Variants in ARSB observed in about 807,000 individuals in gnomAD.
ARSB encodes arylsulfatase B.
ARSB carries 41 observed loss-of-function variants against 50.9 expected under a neutral mutation model. That is an observed-to-expected ratio of 0.81 (90% CI 0.63 to 1.04). The LOEUF (loss-of-function observed/expected upper bound fraction) is 1.04. Ranked by LOEUF, ARSB falls within the 50% of genes least tolerant of loss-of-function variation. ARSB has a pLI of 0.00. For missense variants in ARSB, 672 were observed against 693.3 expected (o/e 0.97, Z 0.35); for synonymous variants, 269 against 284.8 (o/e 0.94, Z 0.56).
intron 5 of ARSB, among the ~76,000 whole-genome samples, chr5:78,841,165 C>CTAATAATAATAATAATAATAATAATAA (rs760097028): frequency 4.4e-3 from 431 of 98,216 alleles, no homozygotes; most frequent in Middle Eastern, 0.012. Flanking sequence ...ACTACTACTA[C>CTAATAATAATAATAATAATAATAATAA]TACTAATAAT....
intron 5 of ARSB, among the ~76,000 whole-genome samples, chr5:78,862,832 G>A (rs1044418677): frequency 7.9e-5 from 12 of 152,112 alleles, no homozygotes; most frequent in African/African-American, 1.2e-4. Context: ...TACAGAATGG[G>A]AGAAAATTTT....
chr5:78,797,867 G>C (rs1307047097), intron 6 of ARSB, among the ~76,000 whole-genome samples: 1 of 152,196 alleles, frequency 6.6e-6, no homozygotes, highest in Non-Finnish European at 1.5e-5. Flanking sequence ...GAACAGGGAG[G>C]AGGATGGAAT....
At chr5:78,821,796 T>G (rs1266345782) in intron 6 of ARSB, among the ~76,000 whole-genome samples, 1 of 152,236 alleles carries the variant, frequency 6.6e-6, no homozygotes, top group Non-Finnish European at 1.5e-5. Flanking sequence ...TTCCTCTTTC[T>G]GTTTTTCTAC....
intron 4 of ARSB, among the ~76,000 whole-genome samples, chr5:78,923,689 T>C (rs1246552135): frequency 6.6e-6 from 1 of 152,236 alleles, no homozygotes; most frequent in African/African-American, 2.4e-5. Flanking sequence ...TCAATAGTTT[T>C]AAGAATTTCA....
chr5:78,852,153 C>T (rs543783003), intron 5 of ARSB, among the ~76,000 whole-genome samples: 6,539 of 152,222 alleles, frequency 0.043, 204 homozygotes, highest in Non-Finnish European at 0.066. Flanking sequence ...TTCTTCCTAG[C>T]CTCGATGGTC....
chr5:78,791,968 A>T (rs367757955), intron 6 of ARSB, among the ~76,000 whole-genome samples: 67 of 152,036 alleles, frequency 4.4e-4, no homozygotes, highest in African/African-American at 1.6e-3. Flanking sequence ...GCCACACTGG[A>T]AGAAGAAGAA....
chr5:78,788,363 G>A (rs1192743149), intron 6 of ARSB, among the ~76,000 whole-genome samples: 1 of 152,116 alleles, frequency 6.6e-6, no homozygotes, highest in Non-Finnish European at 1.5e-5. Flanking sequence ...CTAGAAATTG[G>A]GAGTTGTTTG....
intron 5 of ARSB, among the ~76,000 whole-genome samples, chr5:78,873,548 T>C (rs568043462): frequency 8.2e-6 from 1 of 121,904 alleles, no homozygotes; most frequent in African/African-American, 3.1e-5. Context: ...CAGGCTGGAG[T>C]GCAGTGGCGG....
chr5:78,930,548 C>T (rs902306578), intron 4 of ARSB, among the ~76,000 whole-genome samples: 1 of 152,142 alleles, frequency 6.6e-6, no homozygotes, highest in Non-Finnish European at 1.5e-5. Context: ...ATAAAGATTA[C>T]AGTCAGTTAA....
intron 6 of ARSB, among the ~76,000 whole-genome samples, chr5:78,789,689 G>A (rs1014185898): frequency 6.6e-6 from 1 of 152,174 alleles, no homozygotes; most frequent in Non-Finnish European, 1.5e-5. Context: ...AGCATTTGGG[G>A]TGGAAGCCAT....
chr5:78,922,694 T>C (rs764737551), intron 4 of ARSB, among the ~76,000 whole-genome samples: 23 of 151,404 alleles, frequency 1.5e-4, no homozygotes, highest in Non-Finnish European at 3.2e-4. Flanking sequence ...AGCGGACTTT[T>C]GTCTTGCAGC....
Position 78,907,891 on chromosome 5 carries a change from CAAA to C in ARSB, c.899-22067_899-22065del, listed in dbSNP as rs202137499. ...AGTGCTGAGCATATAGGGAGACTGG[CAAA>C]TGTGGGCCAGTTTTGAGCCCATCAG... On this transcript the variant is annotated intron_variant, in intron 4 of 7. Coordinates refer to ENST00000264914, the MANE Select transcript of ARSB (RefSeq NM_000046.5). 1.5e-3 allele frequency among the ~76,000 whole-genome samples: 233 copies of C among 152,186 alleles called. 1 individual carries two copies. In the East Asian group the frequency reaches 0.026, roughly 17 times the overall value.
At chr5:78,829,410 C>A (rs774223056) in intron 6 of ARSB, among the ~76,000 whole-genome samples, 4 of 152,218 alleles carry the variant, frequency 2.6e-5, no homozygotes, top group Non-Finnish European at 4.4e-5. Context: ...TTCCTAATCA[C>A]TCCCAAATGC....
At chr5:78,812,025 C>T (rs937940246) in intron 6 of ARSB, among the ~76,000 whole-genome samples, 2 of 152,050 alleles carry the variant, frequency 1.3e-5, no homozygotes, top group Non-Finnish European at 2.9e-5. Context: ...GAGAGATCCA[C>T]TTGACTGTTC....
chr5:78,846,944 G>C (rs35332751), intron 5 of ARSB, among the ~76,000 whole-genome samples: 6,531 of 152,182 alleles, frequency 0.043, 204 homozygotes, highest in Non-Finnish European at 0.065. Flanking sequence ...AATTAGTTGA[G>C]TGTTTTGATT....
At chr5:78,927,353 T>C (rs1750101642) in intron 4 of ARSB, among the ~76,000 whole-genome samples, 1 of 152,178 alleles carries the variant, frequency 6.6e-6, no homozygotes, top group African/African-American at 2.4e-5. Context: ...AAATGCTCAA[T>C]AGCCATGTAT....
intron 5 of ARSB, among the ~76,000 whole-genome samples, chr5:78,866,617 T>C (rs998429459): frequency 1.2e-4 from 19 of 152,002 alleles, no homozygotes; most frequent in African/African-American, 4.6e-4. Flanking sequence ...AGGAAGTAGC[T>C]TGGATAAGGA....
At chr5:78,780,805 T>C (rs1561421505) in intron 7 of ARSB, 143 bp from the exon 8 acceptor site, 2 of 1,002,410 alleles carry the variant, frequency 2.0e-6, no homozygotes, top group African/African-American at 1.6e-5. Context: ...TGTCTCTAGA[T>C]GCTTCTCAGA....
chr5:78,915,665 G>A (rs1159581580), intron 4 of ARSB, among the ~76,000 whole-genome samples: 1 of 152,156 alleles, frequency 6.6e-6, no homozygotes, highest in Non-Finnish European at 1.5e-5. Context: ...GACCAGAAGT[G>A]TTTGGGATTT....
Sources: allele counts gnomAD v4.1 joint callset (sites outside exome capture counted in the v4.1 genomes callset), GRCh38; gene constraint gnomAD v4.1.1; transcripts MANE v1.5; gene names NCBI Gene and HGNC (gene_info 2026-07-23, HGNC 2026-07-21).